Variants in ZNF28 observed in about 807,000 individuals in gnomAD.
The protein encoded by ZNF28 is zinc finger protein KOX24.
A neutral mutation model predicts 7.2 loss-of-function variants in ZNF28; 5 were observed. The observed-to-expected ratio is 0.70, with a 90% CI of 0.36 to 1.46. The LOEUF is 1.46. ZNF28 is among the 40% of genes most tolerant of loss of function. The pLI is 0.03. For synonymous variants in ZNF28, 288 were observed against 292.4 expected (o/e 0.99, Z 0.15); for missense variants, 879 against 866.6 (o/e 1.01, Z -0.18).
At chr19:52,810,894 T>G (rs1367270238) in intron 2 of ZNF28, among the ~76,000 whole-genome samples, 1 of 3,888 alleles carries the variant, frequency 2.6e-4, no homozygotes, top group African/African-American at 1.1e-3. Context: ...CCCCTCCCCC[T>G]CCCCCTCCCT....
At chr19:52,820,502 C>T (rs1231446299) in intron 1 of ZNF28, among the ~76,000 whole-genome samples, 1 of 152,062 alleles carries the variant, frequency 6.6e-6, no homozygotes, top group Non-Finnish European at 1.5e-5. Context: ...CCCCTCTCTG[C>T]TCTCCCTGTT....
chr19:52,809,141 G>A (rs2062977609), intron 2 of ZNF28, among the ~76,000 whole-genome samples: 1 of 152,190 alleles, frequency 6.6e-6, no homozygotes, highest in Non-Finnish European at 1.5e-5. Context: ...TTGGGCAGTT[G>A]CGGGCAGGGG....
At chr19:52,812,214 A>C (rs1216553390) in intron 2 of ZNF28, among the ~76,000 whole-genome samples, 1 of 127,492 alleles carries the variant, frequency 7.8e-6, no homozygotes, top group Admixed American at 7.5e-5. Flanking sequence ...GGCCGCCCCT[A>C]CTGGGAAGTG....
Position 52,819,560 on chromosome 19 carries a change from C to T in ZNF28, c.-73-1529G>A, listed in dbSNP as rs62120981. On this transcript the variant is annotated intron_variant, in intron 1 of 3. Transcript: ENST00000457749. ...GGGTTGAGCTTTTCTGGTCTAGCCC[C>T]TCATCTCCAAGTTGCAGGGGAGGCT... 6.5e-3 allele frequency among the ~76,000 whole-genome samples: 471 copies of T among 72,566 alleles called. 69 individuals are homozygous for T. Among genetic ancestry groups the T allele is most frequent in the East Asian group, 0.029 (135 of 4,662 alleles). 47.6% of individuals were successfully genotyped at this position (72,566 alleles called of 152,430 possible). A position where few individuals can be genotyped will look rare whatever the true frequency, so the allele number is the denominator to read the frequency against.
chr19:52,818,139 A>C lies in ZNF28; in HGVS notation c.-73-108T>G, dbSNP rs2063150426. The C allele has an allele frequency of 6.7e-6, 8 of 1,187,648 alleles. No individual in the cohort carries two copies. In the Admixed American group the frequency reaches 7.9e-5, roughly 12 times the overall value. 73.6% of individuals were successfully genotyped at this position (1,187,648 alleles called of 1,614,324 possible). ...TCACCTTGAGGAAATATGGTCCCCT[A>C]TGCTGCCTACCGCACCACGAACAAA... is the stretch of plus-strand genomic sequence containing the variant. On this transcript the variant is annotated intron_variant, in intron 1 of 3. Transcript: ENST00000457749.
rs760036001 is a variant in ZNF28, at chr19:52,800,675, T to C, written c.1170A>G (p.Lys390=). 5 of 1,613,564 alleles carry C rather than the reference T, an allele frequency of 3.1e-6. No homozygotes were observed. Among genetic ancestry groups the C allele is most frequent in the Non-Finnish European group, 4.2e-6 (5 of 1,179,898 alleles). The change falls in exon 4 of 4, where the codon AAA becomes AAG. Residue 390 remains lysine (K), a synonymous_variant. Coordinates refer to ENST00000457749, the MANE Select transcript of ZNF28 (RefSeq NM_006969.5). ...CAAGATGTGATTTGCGACTGAAAAC[T>C]TTTTCACATTCTTCACATTCATAAG... ...EKPYECEECE[K]VFSRKSHLER...
intron 2 of ZNF28, chr19:52,810,659 G>A (rs751516790): frequency 5.4e-5 from 58 of 1,081,100 alleles, no homozygotes; most frequent in Non-Finnish European, 7.3e-5. Flanking sequence ...CTCTGGGGTC[G>A]CGTCTACAGG....
intron 2 of ZNF28, chr19:52,809,960 C>A (rs111656858): frequency 8.7e-6 from 7 of 804,850 alleles, no homozygotes. Flanking sequence ...GCGCAGGGGA[C>A]GATGGGAACG....
Position 52,812,171 on chromosome 19 carries a change from G to A in ZNF28, c.16-4038C>T, listed in dbSNP as rs1224834975. On this transcript the variant is annotated intron_variant, in intron 2 of 3. Transcript: ENST00000457749. ...GGGTCAGCCCCCCGCCCGGCCAGCC[G>A]CCCCATCTGGGAGGTGAGGGGCGCT... Among the ~76,000 whole-genome samples the A allele has an allele frequency of 9.4e-5, 12 of 127,556 alleles. 1 individual carries two copies. The East Asian group carries it at 1.4e-3, about 14-fold the overall frequency. The allele number at this position is 127,556 out of a possible 152,430, so 83.7% of individuals were successfully genotyped here. A position where few individuals can be genotyped will look rare whatever the true frequency, so the allele number is the denominator to read the frequency against.
At position 52,798,535 on chromosome 19, in the gene ZNF28, C is replaced by T. The variant is rs1270907341; in HGVS notation, c.*1153G>A. 2 of 511,126 alleles carry T rather than the reference C, an allele frequency of 3.9e-6. No individual in the cohort carries two copies. The highest frequency in any genetic ancestry group is 1.1e-4 in the East Asian group (2 of 17,908). 31.7% of individuals were successfully genotyped at this position (511,126 alleles called of 1,614,324 possible). ...TGACATTTGTAAGATTTCTGTCCAG[C>T]ATGGATTCTCTGATGTCTATTGAGG... is the stretch of plus-strand genomic sequence containing the variant. On this transcript the variant is annotated 3_prime_UTR_variant, in exon 4 of 4. Coordinates refer to ENST00000457749, the MANE Select transcript of ZNF28 (RefSeq NM_006969.5).
rs1000077423 is a variant in ZNF28 at position 52,797,694 on chromosome 19, A to C, written c.*1994T>G. 2.3e-4 allele frequency: 36 copies of C among 153,968 alleles called. No individual in the cohort carries two copies. The highest frequency in any genetic ancestry group is 9.2e-4 in the Admixed American group (14 of 15,286). 9.5% of individuals were successfully genotyped at this position (153,968 alleles called of 1,614,324 possible). On this transcript the variant is annotated 3_prime_UTR_variant, in exon 4 of 4. Coordinates refer to ENST00000457749, the MANE Select transcript of ZNF28 (RefSeq NM_006969.5). Reference sequence around the variant, plus strand: ...CTTGAAATCTACAAACATTGATCAAAATGATTAAAAACATATAAATACACA... The same window carrying C: ...CTTGAAATCTACAAACATTGATCAACATGATTAAAAACATATAAATACACA...
chr19:52,812,121 C>T lies in ZNF28; in HGVS notation c.16-3988G>A, dbSNP rs979498774. On this transcript the variant is annotated intron_variant, in intron 2 of 3. Coordinates refer to ENST00000457749, the MANE Select transcript of ZNF28 (RefSeq NM_006969.5). ...TGAGGAGCCCCTCTGCCTGGCCAGCCGCCCCGTCCGGGAGGGTGGTGGGGG... is the reference window on the plus strand; with the variant it reads ...TGAGGAGCCCCTCTGCCTGGCCAGCTGCCCCGTCCGGGAGGGTGGTGGGGG... Among the ~76,000 whole-genome samples, 3 of 116,314 alleles carry T rather than the reference C, an allele frequency of 2.6e-5. 1 individual carries two copies. Among genetic ancestry groups the T allele is most frequent in the African/African-American group, 9.3e-5 (2 of 21,594 alleles). 76.3% of individuals were successfully genotyped at this position (116,314 alleles called of 152,430 possible).
Position 52,809,827 on chromosome 19 carries a change from G to A in ZNF28, c.16-1694C>T, listed in dbSNP as rs2062991540. 8 of 551,950 alleles carry A rather than the reference G, an allele frequency of 1.4e-5. No individual in the cohort carries two copies. In the South Asian group the frequency reaches 1.6e-4, roughly 11 times the overall value. 34.2% of individuals were successfully genotyped at this position (551,950 alleles called of 1,614,324 possible). Reference sequence around the variant, plus strand: ...GAGCCCAGTCTGAGCGGCGAAGGCGGCGGCGGCGGCGGTGGCGGTGGTGGC... The same window carrying A: ...GAGCCCAGTCTGAGCGGCGAAGGCGACGGCGGCGGCGGTGGCGGTGGTGGC... On this transcript the variant is annotated intron_variant, in intron 2 of 3. Transcript: ENST00000457749.
At chr19:52,817,263 T>G (rs190094190) in intron 2 of ZNF28, among the ~76,000 whole-genome samples, 5 of 152,052 alleles carry the variant, frequency 3.3e-5, no homozygotes, top group African/African-American at 4.8e-5. Flanking sequence ...TGCCAGCTAC[T>G]CGGGAGGCTG....
In ZNF28 at chr19:52,798,525, T is replaced by A. The variant is rs1238707272; in HGVS notation, c.*1163A>T. The A allele has an allele frequency of 2.0e-6, 1 of 511,632 alleles. No individual in the cohort carries two copies. The highest frequency in any genetic ancestry group is 5.6e-5 in the East Asian group (1 of 17,906). The allele number at this position is 511,632 out of a possible 1,614,324, so 31.7% of individuals were successfully genotyped here. On this transcript the variant is annotated 3_prime_UTR_variant, in exon 4 of 4. Transcript: ENST00000457749. ...ACCACACTGATGACATTTGTAAGATTTCTGTCCAGCATGGATTCTCTGATG... is the reference window on the plus strand; with the variant it reads ...ACCACACTGATGACATTTGTAAGATATCTGTCCAGCATGGATTCTCTGATG...
rs140737004 is a variant in ZNF28, at chr19:52,801,068, T to C, written c.777A>G (p.Ala259=). Residue 259 remains alanine, a synonymous_variant, in exon 4 of 4, where the codon GCA becomes GCG. Transcript: ENST00000457749. ...GKVFNQKRYL[A]CHRRSHIDEK... The stretch of plus-strand genomic sequence containing the variant: ...CATCAATGTGAGATCTACGATGGCA[T>C]GCAAGGTATCGCTTCTGATTAAATA... The C allele has an allele frequency of 7.4e-6, 12 of 1,614,090 alleles. No homozygotes were observed. The highest frequency in any genetic ancestry group is 1.0e-5 in the Non-Finnish European group (12 of 1,180,040).
In ZNF28 at chr19:52,807,993, G is replaced by T. The variant is rs772407049; in HGVS notation, c.142+14C>A. 4.3e-6 allele frequency: 7 copies of T among 1,612,922 alleles called. No homozygotes were observed. The highest frequency in any genetic ancestry group is 5.9e-6 in the Non-Finnish European group (7 of 1,179,196). On this transcript the variant is annotated intron_variant, in intron 3 of 3. Transcript: ENST00000457749. ...AAGATACACAAGGGCACATCCCCAG[G>T]AGGTTATCCTCACCCAGGGAGACCA...
rs781709612 is a variant in ZNF28 at position 52,800,397 on chromosome 19, T to C, written c.1448A>G (p.Glu483Gly). ...DKVFRCKSHL[E>G]RHRRIHTGEK... The stretch of plus-strand genomic sequence containing the variant: ...TCCAGTATGAATCCTCCTATGTCTT[T>C]CAAGGTGTGATTTGCACCTGAAAAC... Residue 483 changes from glutamate to glycine, a missense_variant, in exon 4 of 4, where the codon GAA becomes GGA. By Grantham distance (98) the Glu-to-Gly change is moderately conservative. Around this residue, in one of 2 missense-constraint regions of ZNF28, gnomAD observed 864 missense variants for 830.2 expected, o/e 1.04. Transcript: ENST00000457749. 4 of 1,614,094 alleles carry C rather than the reference T, an allele frequency of 2.5e-6. No individual in the cohort carries two copies. Among genetic ancestry groups the C allele is most frequent in the Non-Finnish European group, 3.4e-6 (4 of 1,179,994 alleles).
chr19:52,817,184 T>C (rs1266383018), intron 2 of ZNF28, among the ~76,000 whole-genome samples: 3 of 151,952 alleles, frequency 2.0e-5, no homozygotes, highest in Non-Finnish European at 4.4e-5. Flanking sequence ...ACCAGCCTGA[T>C]CAACATGGAG....
Sources: allele counts gnomAD v4.1 joint callset (sites outside exome capture counted in the v4.1 genomes callset), GRCh38; gene constraint gnomAD v4.1.1; regional missense constraint gnomAD v4.1.1; transcripts MANE v1.5; gene names NCBI Gene and HGNC (gene_info 2026-07-23, HGNC 2026-07-21).